The following ZNF667 variants were observed in gnomAD, a reference collection of about 807,000 sequenced individuals.
ZNF667 encodes myocardial ischemic preconditioning upregulated 1 ortholog.
A neutral mutation model predicts 31.8 loss-of-function variants in ZNF667; 13 were observed. The ratio of observed to expected loss-of-function variants is 0.41; its 90% confidence interval spans 0.27 to 0.65. ZNF667 has a LOEUF of 0.65. Ranked by LOEUF, ZNF667 falls within the 30% of genes least tolerant of loss-of-function variation. The pLI is 0.32. For synonymous variants in ZNF667, 228 were observed against 247.1 expected (o/e 0.92, Z 0.73); for missense variants, 642 against 725.6 (o/e 0.88, Z 1.32).
intron 6 of ZNF667, among the ~76,000 whole-genome samples, chr19:56,453,646 C>T (rs894406443): frequency 2.6e-5 from 4 of 152,018 alleles, no homozygotes; most frequent in East Asian, 3.9e-4. Flanking sequence ...CTTCATGATG[C>T]GATCCCTCAA....
chr19:56,472,790 G>A (rs2043320000), intron 2 of ZNF667: 1 of 152,194 alleles, frequency 6.6e-6, no homozygotes. Context: ...TAGACTATTA[G>A]TACTTAAGTC....
At chr19:56,454,033 T>C (rs2042885963) in intron 6 of ZNF667, among the ~76,000 whole-genome samples, 1 of 152,206 alleles carries the variant, frequency 6.6e-6, no homozygotes. Context: ...GCAGCATTTC[T>C]ATATGCCAAC....
At position 56,441,700 on chromosome 19, in the gene ZNF667, AT is replaced by A; in HGVS notation, c.1294del (p.Ile432TyrfsTer167). On this transcript the variant is annotated frameshift_variant, in exon 7 of 7. Coordinates refer to ENST00000504904, the MANE Select transcript of ZNF667 (RefSeq NM_001321356.2). LOFTEE classifies it high-confidence loss of function. The surrounding 1 kb of genome is among the most constrained non-coding windows in gnomAD (Gnocchi z 4.2). The part of the protein sequence containing the change: ...KMFSGTANLK[I>X]HQNIHSEEKP... ...CTCTTCAGAATGAATATTCTGATGT[AT>A]TTTAAGGTTTGCAGTTCCAGAAAAC... 6.2e-7 allele frequency: 1 copy of A among 1,614,120 alleles called. No individual in the cohort carries two copies. The highest frequency in any genetic ancestry group is 8.5e-7 in the Non-Finnish European group (1 of 1,180,028).
chr19:56,466,702 T>A (rs986063148), intron 3 of ZNF667, among the ~76,000 whole-genome samples: 5 of 152,248 alleles, frequency 3.3e-5, no homozygotes, highest in Non-Finnish European at 7.4e-5. Flanking sequence ...ACAGAAAATT[T>A]ATAGACACAC....
chr19:56,459,435 G>A (rs2042998701), intron 5 of ZNF667, among the ~76,000 whole-genome samples: 2 of 152,012 alleles, frequency 1.3e-5, no homozygotes, highest in Admixed American at 1.3e-4. Context: ...CTATGTCTGG[G>A]TTTTTTAGTT....
At chr19:56,458,600 T>C (rs1488557638) in intron 5 of ZNF667, among the ~76,000 whole-genome samples, 1 of 152,132 alleles carries the variant, frequency 6.6e-6, no homozygotes, top group East Asian at 1.9e-4. Flanking sequence ...TCCTGACCTC[T>C]GGGGAGGGGT....
At chr19:56,451,710 A>T (rs554828932) in intron 6 of ZNF667, among the ~76,000 whole-genome samples, 1 of 151,934 alleles carries the variant, frequency 6.6e-6, no homozygotes, top group Non-Finnish European at 1.5e-5. Flanking sequence ...CTTTAAAAAA[A>T]ATGCAAAAAT....
At chr19:56,465,430 T>C (rs1054997452) in intron 3 of ZNF667, among the ~76,000 whole-genome samples, 3 of 152,258 alleles carry the variant, frequency 2.0e-5, no homozygotes, top group Middle Eastern at 3.2e-3. Flanking sequence ...GATTATTACA[T>C]GTCTCTCTTT....
At chr19:56,460,654 G>A in intron 5 of ZNF667, 35 bp downstream of exon 5, 5 of 1,591,224 alleles carry the variant, frequency 3.1e-6, no homozygotes, top group South Asian at 1.1e-5. Context: ...CCCTCAATAG[G>A]CTGGTTCTGG....
chr19:56,462,306 G>A (rs770946762), intron 4 of ZNF667, 32 bp downstream of exon 4: 2 of 1,613,946 alleles, frequency 1.2e-6, no homozygotes, highest in Admixed American at 3.3e-5. Context: ...ACACGATGGG[G>A]TGTTCCGGAA....
intron 6 of ZNF667, among the ~76,000 whole-genome samples, chr19:56,451,441 C>G (rs1419435745): frequency 6.6e-6 from 1 of 152,124 alleles, no homozygotes; most frequent in Non-Finnish European, 1.5e-5. Flanking sequence ...AACAAAGAAA[C>G]ATCGGACCTA....
intron 6 of ZNF667, among the ~76,000 whole-genome samples, chr19:56,451,880 A>C (rs1216092251): frequency 3.6e-5 from 2 of 55,596 alleles, no homozygotes; most frequent in African/African-American, 5.6e-5. Context: ...AAAAAAAAAA[A>C]AAAAAAAAAA....
At chr19:56,459,990 C>T (rs1280993874) in intron 5 of ZNF667, among the ~76,000 whole-genome samples, 1 of 142,344 alleles carries the variant, frequency 7.0e-6, no homozygotes, top group Non-Finnish European at 1.5e-5. Flanking sequence ...GACTCTGTAT[C>T]AAAAAAAAAA....
At chr19:56,456,136 A>C (rs1001827693) in intron 6 of ZNF667, among the ~76,000 whole-genome samples, 14 of 152,214 alleles carry the variant, frequency 9.2e-5, no homozygotes, top group African/African-American at 3.4e-4. Context: ...GTAAGTTCTC[A>C]ATAAATGCTG....
In ZNF667 at chr19:56,442,181, T is replaced by G; in HGVS notation, c.814A>C (p.Lys272Gln). ...FNQMSSLLLH[K>Q]KIHNGKKTHK... The stretch of plus-strand genomic sequence containing the variant: ...GTTTTCTTTCCATTGTGAATTTTCT[T>G]ATGAAGTAAAAGGGATGACATCTGA... Residue 272 changes from lysine (K) to glutamine (Q), a missense_variant, in exon 7 of 7, where the codon AAG becomes CAG. Coordinates refer to ENST00000504904, the MANE Select transcript of ZNF667 (RefSeq NM_001321356.2). The G allele has an allele frequency of 6.2e-7, 1 of 1,613,752 alleles. No individual in the cohort carries two copies. Among genetic ancestry groups the G allele is most frequent in the Non-Finnish European group, 8.5e-7 (1 of 1,179,916 alleles).
Position 56,440,432 on chromosome 19 carries a change from CCCA to C in ZNF667, c.*727_*729del. ...AAAGACTCACTTTTCTTTATTCTCA[CCCA>C]CAAGTTTGTCAGCTGAAAGTGGCAC... On this transcript the variant is annotated 3_prime_UTR_variant, in exon 7 of 7. Coordinates refer to ENST00000504904, the MANE Select transcript of ZNF667 (RefSeq NM_001321356.2). The C allele has an allele frequency of 4.7e-6, 1 of 214,962 alleles. No homozygotes were observed. Among genetic ancestry groups the C allele is most frequent in the Non-Finnish European group, 8.0e-6 (1 of 125,494 alleles). The allele number at this position is 214,962 out of a possible 1,614,324, so 13.3% of individuals were successfully genotyped here.
At chr19:56,454,947 T>A (rs118135851) in intron 6 of ZNF667, among the ~76,000 whole-genome samples, 1 of 151,810 alleles carries the variant, frequency 6.6e-6, no homozygotes, top group Non-Finnish European at 1.5e-5. Context: ...TTGATAACCA[T>A]AGAATACATA....
At position 56,458,187 on chromosome 19, in the gene ZNF667, A is replaced by G. The variant is rs758370104; in HGVS notation, c.221T>C (p.Met74Thr). ...TLLEKGKAPW[M>T]VEPVRRRRAP... ...CCGGCGTCTTCTTACTGGCTCTACC[A>G]TCCAGGGTGCTTTCCCTTTCTCCAA... Residue 74 changes from methionine to threonine, a missense_variant, in exon 6 of 7, where the codon ATG (methionine) becomes ACG (threonine). By Grantham distance (81) the Met-to-Thr change is moderately conservative. Coordinates refer to ENST00000504904, the MANE Select transcript of ZNF667 (RefSeq NM_001321356.2). The G allele has an allele frequency of 3.7e-6, 6 of 1,614,176 alleles. No homozygotes were observed. Among genetic ancestry groups the G allele is most frequent in the Non-Finnish European group, 5.1e-6 (6 of 1,180,026 alleles).
chr19:56,468,343 C>T (rs1194509094), intron 3 of ZNF667: 1 of 152,242 alleles, frequency 6.6e-6, no homozygotes, highest in African/African-American at 2.4e-5. Flanking sequence ...TAAGTGACTA[C>T]TCCTCTACCC....
Sources: allele counts gnomAD v4.1 joint callset (sites outside exome capture counted in the v4.1 genomes callset), GRCh38; gene constraint gnomAD v4.1.1; non-coding constraint Gnocchi (gnomAD v3.1); transcripts MANE v1.5; gene names NCBI Gene and HGNC (gene_info 2026-07-23, HGNC 2026-07-21).